Variants in TXNDC9 observed in about 807,000 individuals in gnomAD.
TXNDC9 encodes the protein thioredoxin domain-containing protein 9.
TXNDC9 carries 7 observed loss-of-function variants against 23.0 expected under a neutral mutation model. That is an observed-to-expected ratio of 0.30 (90% CI 0.17 to 0.57). The LOEUF is 0.57. Ranked by LOEUF, TXNDC9 falls within the 20% of genes least tolerant of loss-of-function variation. The pLI is 0.90. For missense variants in TXNDC9, 198 were observed against 252.6 expected, an observed-to-expected ratio of 0.78 and a Z score of 1.47; for synonymous variants, 72 against 90.6, an observed-to-expected ratio of 0.79 and a Z score of 1.17.
intron 3 of TXNDC9, chr2:99,322,733 G>A: frequency 7.1e-7 from 1 of 1,399,358 alleles, no homozygotes. Flanking sequence ...ATGCTTCTAG[G>A]AAATTAAAAA....
At position 99,319,606 on chromosome 2, in the gene TXNDC9, A is replaced by T; in HGVS notation, c.*76T>A. On this transcript the variant is annotated 3_prime_UTR_variant, in exon 5 of 5. Coordinates refer to ENST00000264255, the MANE Select transcript of TXNDC9 (RefSeq NM_005783.4). The stretch of plus-strand genomic sequence containing the variant: ...GAGTATTTAGGTGACCAATGTATAG[A>T]CATTAATAGAATTTTAAAAACACAT... The T allele has an allele frequency of 9.2e-7, 1 of 1,081,290 alleles. No homozygotes were observed. The highest frequency in any genetic ancestry group is 1.4e-6 in the Non-Finnish European group (1 of 722,192). The allele number at this position is 1,081,290 out of a possible 1,614,324, so 67.0% of individuals were successfully genotyped here.
chr2:99,311,929 G>A, the TXNDC9 span, among the ~76,000 whole-genome samples: 1 of 151,738 alleles, frequency 6.6e-6, no homozygotes, highest in African/African-American at 2.4e-5. Flanking sequence ...AAAGAGTTAA[G>A]CATTTATATC....
At chr2:99,321,746 A>C (rs1005736001) in intron 4 of TXNDC9, 8 of 562,984 alleles carry the variant, frequency 1.4e-5, no homozygotes, top group African/African-American at 5.7e-5. Context: ...TTTACCTATT[A>C]AATCAGTTTA....
At chr2:99,315,012 C>A (rs1017928109), downstream of TXNDC9, among the ~76,000 whole-genome samples, 2 of 150,442 alleles carry the variant, frequency 1.3e-5, no homozygotes, top group African/African-American at 4.9e-5. Context: ...TCTCCTGCCT[C>A]AGCCTCCCGA....
At chr2:99,310,804 T>C in the TXNDC9 span, among the ~76,000 whole-genome samples, 3 of 152,142 alleles carry the variant, frequency 2.0e-5, no homozygotes, top group Non-Finnish European at 4.4e-5. Flanking sequence ...CTTACATTGT[T>C]TTAAGCCACC....
downstream of TXNDC9, among the ~76,000 whole-genome samples, chr2:99,315,062 ATTTTT>A (rs748634802): frequency 1.9e-5 from 2 of 107,978 alleles, no homozygotes; most frequent in African/African-American, 6.7e-5. Context: ...CGCCTGGTTA[ATTTTT>A]TTTTTTTTTT....
chr2:99,317,652 ATT>A (rs1400162542), downstream of TXNDC9, among the ~76,000 whole-genome samples: 4 of 149,040 alleles, frequency 2.7e-5, no homozygotes, highest in African/African-American at 7.4e-5. Context: ...TTTTTTTTTC[ATT>A]TTTTATAGAG....
At chr2:99,326,111 A>C (rs2094212295) in intron 3 of TXNDC9, among the ~76,000 whole-genome samples, 1 of 152,168 alleles carries the variant, frequency 6.6e-6, no homozygotes, top group Non-Finnish European at 1.5e-5. Context: ...AGAGGTTGGC[A>C]ACTTGAGGAA....
chr2:99,322,441 A>T, intron 3 of TXNDC9: 1 of 1,269,606 alleles, frequency 7.9e-7, no homozygotes, highest in Non-Finnish European at 1.1e-6. Flanking sequence ...TGCATTAATG[A>T]TATTCTCTTT....
At chr2:99,332,899 G>A (rs930430737) in intron 2 of TXNDC9, 123 bp downstream of exon 2, 3 of 798,702 alleles carry the variant, frequency 3.8e-6, no homozygotes, top group Non-Finnish European at 4.0e-6. Flanking sequence ...ACAGTAATAG[G>A]TATTCTGAAT....
chr2:99,331,402 C>G (rs1047839574), intron 2 of TXNDC9, among the ~76,000 whole-genome samples: 1 of 151,466 alleles, frequency 6.6e-6, no homozygotes, highest in Admixed American at 6.6e-5. Context: ...TGATGAAACC[C>G]CATCTCTACT....
intron 2 of TXNDC9, among the ~76,000 whole-genome samples, chr2:99,329,789 G>A (rs1199769625): frequency 2.6e-5 from 4 of 151,714 alleles, no homozygotes; most frequent in African/African-American, 4.8e-5. Flanking sequence ...GCAACACGGC[G>A]AAACCCTGTC....
At chr2:99,321,855 G>A (rs1305715658) in intron 4 of TXNDC9, 100 bp downstream of exon 4, 2 of 1,293,866 alleles carry the variant, frequency 1.5e-6, no homozygotes, top group Admixed American at 5.9e-5. Context: ...CAGCCAAAAT[G>A]CCTTAATTTC....
At chr2:99,316,912 A>ACGCCCGGCTGGG (rs1197855831), downstream of TXNDC9, among the ~76,000 whole-genome samples, 26 of 151,870 alleles carry the variant, frequency 1.7e-4, no homozygotes, top group African/African-American at 5.6e-4. Flanking sequence ...GCCCGCCACC[A>ACGCCCGGCTGGG]CGCCCGGCTA....
chr2:99,307,104 T>TC, the TXNDC9 span, among the ~76,000 whole-genome samples: 2 of 118,604 alleles, frequency 1.7e-5, no homozygotes, highest in African/African-American at 2.9e-5. Context: ...CTCTCTCTCC[T>TC]TCTCACTCTC....
At chr2:99,321,219 C>T (rs1027316267) in intron 4 of TXNDC9, 4 of 152,044 alleles carry the variant, frequency 2.6e-5, no homozygotes, top group East Asian at 1.9e-4. Flanking sequence ...GAAAGAAAAA[C>T]GTGAGAGAAC....
At chr2:99,324,500 A>G (rs1200780668) in intron 3 of TXNDC9, among the ~76,000 whole-genome samples, 1 of 152,246 alleles carries the variant, frequency 6.6e-6, no homozygotes, top group Non-Finnish European at 1.5e-5. Context: ...AACAAATGAT[A>G]AATCAACCTT....
intron 2 of TXNDC9, among the ~76,000 whole-genome samples, chr2:99,328,240 C>T (rs992460815): frequency 2.0e-5 from 3 of 148,692 alleles, no homozygotes; most frequent in Non-Finnish European, 3.0e-5. Flanking sequence ...GGACCACTGG[C>T]GCATGCCACA....
At chr2:99,332,964 A>AT in intron 2 of TXNDC9, 58 bp downstream of exon 2, 1 of 1,360,862 alleles carries the variant, frequency 7.3e-7, no homozygotes, top group South Asian at 1.2e-5. Context: ...ACATGTATAT[A>AT]TAAGTTGTTA....
Sources: gnomAD v4.1 joint callset for allele counts (sites outside exome capture counted in the v4.1 genomes callset) on GRCh38, gnomAD v4.1.1 for gene constraint, MANE v1.5 for transcripts, NCBI Gene and HGNC (gene_info 2026-07-23, HGNC 2026-07-21) for gene names.